Variants in MAD1L1 observed in about 807,000 individuals in gnomAD.
The protein encoded by MAD1L1 is mitotic arrest deficient 1 like 1.
A neutral mutation model predicts 96.9 loss-of-function variants in MAD1L1; 95 were observed. The observed-to-expected ratio is 0.98, with a 90% confidence interval of 0.83 to 1.16. MAD1L1 has a LOEUF of 1.16. MAD1L1 is among the 50% of genes most tolerant of loss of function. The pLI is 0.00. For missense variants in MAD1L1, 1,007 were observed against 954.4 expected (o/e 1.06, Z -0.73); for synonymous variants, 473 against 396.6 (o/e 1.19, Z -2.29).
chr7:1,890,165 C>T (rs909985366), intron 18 of MAD1L1, among the ~76,000 whole-genome samples: 6 of 152,154 alleles, frequency 3.9e-5, no homozygotes, highest in Admixed American at 2.0e-4. Flanking sequence ...CTCGGATCCC[C>T]GGGAGGGTCT....
chr7:1,961,067 G>A (rs2140121), intron 15 of MAD1L1, among the ~76,000 whole-genome samples: 130,892 of 152,192 alleles, frequency 0.86, 57,621 homozygotes, highest in Non-Finnish European at 0.96. Context: ...AAACCTGCAC[G>A]TGACAAGCTC....
intron 16 of MAD1L1, among the ~76,000 whole-genome samples, chr7:1,951,330 T>C (rs1364916699): frequency 6.6e-6 from 1 of 152,232 alleles, no homozygotes; most frequent in Non-Finnish European, 1.5e-5. Flanking sequence ...ACAGAGGCCG[T>C]GTGAGGGCAG....
intron 14 of MAD1L1, among the ~76,000 whole-genome samples, chr7:1,988,685 C>T (rs886603776): frequency 2.6e-5 from 4 of 152,234 alleles, no homozygotes; most frequent in African/African-American, 9.6e-5. Flanking sequence ...GGCAGCGCCA[C>T]AGGCAGACTT....
intron 10 of MAD1L1, among the ~76,000 whole-genome samples, chr7:2,208,608 G>A (rs979801654): frequency 6.6e-6 from 1 of 152,154 alleles, no homozygotes; most frequent in Non-Finnish European, 1.5e-5. Context: ...ACGAGTCTTG[G>A]ATTGTTACAA....
chr7:2,192,288 G>A (rs1262470051), intron 10 of MAD1L1, among the ~76,000 whole-genome samples: 1 of 151,782 alleles, frequency 6.6e-6, no homozygotes, highest in Admixed American at 6.6e-5. Context: ...ATGCCACCAC[G>A]CCCAGCTAAT....
At chr7:1,870,996 G>A (rs1368237361) in intron 18 of MAD1L1, among the ~76,000 whole-genome samples, 4 of 138,604 alleles carry the variant, frequency 2.9e-5, no homozygotes, top group African/African-American at 5.4e-5. Flanking sequence ...CTGCCATGCC[G>A]AACCAACCGT....
intron 11 of MAD1L1, among the ~76,000 whole-genome samples, chr7:2,123,619 G>C (rs3800914): frequency 0.72 from 110,025 of 152,132 alleles, 40,372 homozygotes; most frequent in African/African-American, 0.82. Context: ...GCGTCAATCC[G>C]CTGGAGGGCA....
intron 15 of MAD1L1, among the ~76,000 whole-genome samples, chr7:1,978,433 T>G (rs933641735): frequency 6.6e-6 from 1 of 152,212 alleles, no homozygotes; most frequent in East Asian, 1.9e-4. Context: ...CACCAATGCT[T>G]GGTGAGCAGG....
At chr7:1,940,711 C>T (rs372620939) in intron 16 of MAD1L1, among the ~76,000 whole-genome samples, 3 of 152,240 alleles carry the variant, frequency 2.0e-5, no homozygotes, top group South Asian at 4.1e-4. Context: ...GCCCCGCTGA[C>T]GGAGCTGCGG....
intron 15 of MAD1L1, among the ~76,000 whole-genome samples, chr7:1,972,889 C>A (rs769802752): frequency 6.6e-6 from 1 of 152,170 alleles, no homozygotes; most frequent in African/African-American, 2.4e-5. Flanking sequence ...CTTATTTGTA[C>A]CGGGAGACCT....
At chr7:1,885,744 G>A (rs73046395) in intron 18 of MAD1L1, among the ~76,000 whole-genome samples, 4,904 of 152,318 alleles carry the variant, frequency 0.032, 186 homozygotes, top group Admixed American at 0.095. Flanking sequence ...GCAGATCCCC[G>A]AGGGCTCGGC....
intron 16 of MAD1L1, among the ~76,000 whole-genome samples, chr7:1,947,334 G>A (rs1360193754): frequency 6.6e-6 from 1 of 152,254 alleles, no homozygotes; most frequent in Non-Finnish European, 1.5e-5. Flanking sequence ...CGCATGCCGA[G>A]AGCAGAGAAA....
intron 10 of MAD1L1, among the ~76,000 whole-genome samples, chr7:2,192,004 C>A (rs1278196136): frequency 2.6e-5 from 4 of 151,676 alleles, no homozygotes; most frequent in Non-Finnish European, 1.5e-5. Context: ...GCACTCCAGC[C>A]TGGGTGACAG....
chr7:2,076,520 T>A (rs1045875054), intron 11 of MAD1L1, among the ~76,000 whole-genome samples: 3 of 152,212 alleles, frequency 2.0e-5, no homozygotes, highest in Non-Finnish European at 4.4e-5. Context: ...CTTTGTTAAG[T>A]GAGCCCGAAC....
intron 15 of MAD1L1, among the ~76,000 whole-genome samples, chr7:1,970,733 G>A (rs892834569): frequency 6.6e-6 from 1 of 152,176 alleles, no homozygotes; most frequent in African/African-American, 2.4e-5. Context: ...CTATTGAGAC[G>A]TGACGGTGGC....
chr7:2,101,828 T>C (rs1460050586), intron 11 of MAD1L1, among the ~76,000 whole-genome samples: 4 of 152,182 alleles, frequency 2.6e-5, no homozygotes, highest in African/African-American at 9.7e-5. Context: ...GCCACAGCTG[T>C]CTCAGTCACC....
chr7:2,108,129 A>C (rs528449743), intron 11 of MAD1L1, among the ~76,000 whole-genome samples: 7 of 152,250 alleles, frequency 4.6e-5, no homozygotes, highest in Non-Finnish European at 8.8e-5. Flanking sequence ...TATGTACGAT[A>C]ACATTCCCAT....
chr7:2,066,503 C>G (rs898463674), intron 12 of MAD1L1, among the ~76,000 whole-genome samples: 1 of 152,244 alleles, frequency 6.6e-6, no homozygotes, highest in Non-Finnish European at 1.5e-5. Flanking sequence ...CTTGCTAACA[C>G]AGAGCAGGCC....
intron 17 of MAD1L1, among the ~76,000 whole-genome samples, chr7:1,902,815 T>C (rs1787333519): frequency 6.6e-6 from 1 of 151,972 alleles, no homozygotes; most frequent in Admixed American, 6.5e-5. Flanking sequence ...TGAAGCACTG[T>C]TCCAGGCAGC....
Sources: allele counts gnomAD v4.1 joint callset (sites outside exome capture counted in the v4.1 genomes callset), GRCh38; gene constraint gnomAD v4.1.1; transcripts MANE v1.5; gene names NCBI Gene and HGNC (gene_info 2026-07-23, HGNC 2026-07-21).